The following DOCK1 variants were observed in gnomAD, a reference collection of about 807,000 sequenced individuals.
DOCK1 encodes the protein dedicator of cytokinesis 1, also known as dedicator of cytokinesis protein 1.
Under a neutral mutation model 262.7 loss-of-function variants are expected in DOCK1, and 138 were observed. The ratio of observed to expected loss-of-function variants is 0.53; its 90% CI spans 0.46 to 0.61. DOCK1 has a LOEUF of 0.61. Among genes scored for constraint, DOCK1 ranks in the 20% least tolerant of loss-of-function variants. The pLI is 0.00. For synonymous variants in DOCK1, 866 were observed against 867.4 expected, an observed-to-expected ratio of 1.00 and a Z score of 0.03; for missense variants, 1,908 against 2,370.7, an observed-to-expected ratio of 0.80 and a Z score of 4.05.
At chr10:127,026,625 G>A in intron 16 of DOCK1, 1 of 599,456 alleles carries the variant, frequency 1.7e-6, no homozygotes, top group Non-Finnish European at 2.9e-6. Flanking sequence ...TCCTTCTCCA[G>A]TTCCTCCTAC....
chr10:127,269,904 C>T lies in DOCK1; in HGVS notation c.3044+12475C>T, dbSNP rs1037548502. Among the ~76,000 whole-genome samples, 17 of 152,348 alleles carry T rather than the reference C, an allele frequency of 1.1e-4. No individual in the cohort carries two copies. The East Asian group carries it at 1.2e-3, about 10-fold the overall frequency. ...GGCATAACGAGAATAGAGAGCTTGA[C>T]GAGGAGGTCCTCAGTGAATGAATGC... On this transcript the variant is annotated intron_variant, in intron 29 of 51. Transcript: ENST00000623213.
chr10:127,433,386 C>G lies in DOCK1; in HGVS notation c.5018C>G (p.Ser1673Cys). ...CCTCTGTCTGTGGCCTCTGTCTCTT[C>G]CCTCTCATCGGACAGCACCCCTTCC... is the stretch of plus-strand genomic sequence containing the variant. ...SRPLSVASVS[S>C]LSSDSTPSRP... is the part of the protein sequence containing the mutation. The change falls in exon 48 of 52, where the codon TCC (serine) becomes TGC (cysteine). Residue 1673 changes from serine to cysteine, a missense_variant. Coordinates refer to ENST00000623213, the MANE Select transcript of DOCK1 (RefSeq NM_001290223.2). 3.1e-6 allele frequency: 5 copies of G among 1,613,996 alleles called. No homozygotes were observed. The highest frequency in any genetic ancestry group is 3.4e-6 in the Non-Finnish European group (4 of 1,179,898).
intron 31 of DOCK1, among the ~76,000 whole-genome samples, chr10:127,347,837 C>CCCTT (rs2063706599): frequency 3.2e-5 from 1 of 31,430 alleles, no homozygotes; most frequent in South Asian, 1.5e-3. Context: ...CCTCAGCCTT[C>CCCTT]CCTTCCCTTC....
intron 38 of DOCK1, among the ~76,000 whole-genome samples, chr10:127,395,754 G>A (rs938009232): frequency 1.6e-4 from 25 of 152,128 alleles, no homozygotes; most frequent in African/African-American, 5.5e-4. Flanking sequence ...GCAGATGGAA[G>A]TGATGTCATG....
At chr10:127,425,327 A>C (rs1385922097) in intron 46 of DOCK1, among the ~76,000 whole-genome samples, 2 of 152,020 alleles carry the variant, frequency 1.3e-5, no homozygotes, top group East Asian at 1.9e-4. Context: ...CTTCATCTCC[A>C]CTCTCGGAAG....
chr10:127,291,668 T>G (rs541953555), intron 29 of DOCK1, among the ~76,000 whole-genome samples: 1 of 152,306 alleles, frequency 6.6e-6, no homozygotes, highest in African/African-American at 2.4e-5. Flanking sequence ...TCCCCAGGCG[T>G]TTGCCTCCTT....
intron 1 of DOCK1, among the ~76,000 whole-genome samples, chr10:126,963,537 C>T (rs965481410): frequency 0.013 from 2,018 of 151,014 alleles, 41 homozygotes; most frequent in African/African-American, 0.047. Flanking sequence ...CTCTTCCCTC[C>T]CTTCACTTCC....
intron 23 of DOCK1, among the ~76,000 whole-genome samples, chr10:127,101,772 T>C (rs2048266317): frequency 6.6e-6 from 1 of 152,242 alleles, no homozygotes; most frequent in African/African-American, 2.4e-5. Context: ...ATGGTATTTA[T>C]GAACTTGCTA....
chr10:127,345,511 C>G (rs1291199780), intron 31 of DOCK1, among the ~76,000 whole-genome samples: 2 of 152,226 alleles, frequency 1.3e-5, no homozygotes, highest in African/African-American at 2.4e-5. Context: ...TCACCTTTCA[C>G]CTGGCCATCT....
At chr10:126,933,304 C>T (rs965736512) in intron 1 of DOCK1, among the ~76,000 whole-genome samples, 5 of 152,292 alleles carry the variant, frequency 3.3e-5, no homozygotes, top group Middle Eastern at 3.4e-3. Context: ...GGACACCTTT[C>T]GTTGGGTGAA....
At chr10:127,155,462 C>T (rs1373575877) in intron 27 of DOCK1, among the ~76,000 whole-genome samples, 1 of 152,188 alleles carries the variant, frequency 6.6e-6, no homozygotes, top group East Asian at 1.9e-4. Flanking sequence ...TCTCTATCGT[C>T]TTTCCATCAT....
rs546652710 is a variant in DOCK1, at chr10:127,193,793, C to T, written c.2848-54215C>T. Among the ~76,000 whole-genome samples, 9 of 151,892 alleles carry T rather than the reference C, an allele frequency of 5.9e-5. No homozygotes were observed. In the East Asian group the frequency reaches 1.2e-3, roughly 20 times the overall value. ...GGGAGAAACAAAACACAAAAATTCC[C>T]TTTCCTGCCACAGGGGAAAACAACT... is the stretch of plus-strand genomic sequence containing the variant. On this transcript the variant is annotated intron_variant, in intron 27 of 51. Coordinates refer to ENST00000623213, the MANE Select transcript of DOCK1 (RefSeq NM_001290223.2).
At chr10:127,357,745 A>C (rs1331845221) in intron 32 of DOCK1, among the ~76,000 whole-genome samples, 2 of 152,186 alleles carry the variant, frequency 1.3e-5, no homozygotes, top group Non-Finnish European at 2.9e-5. Context: ...ACAGTCAGCC[A>C]CCAGACTTGG....
chr10:127,302,529 C>T (rs1447848842), intron 29 of DOCK1, among the ~76,000 whole-genome samples: 2 of 152,186 alleles, frequency 1.3e-5, no homozygotes, highest in African/African-American at 4.8e-5. Context: ...TTCCCCCACA[C>T]AATCCGTCAT....
intron 23 of DOCK1, among the ~76,000 whole-genome samples, chr10:127,092,875 A>G (rs1289917772): frequency 6.6e-6 from 1 of 152,186 alleles, no homozygotes; most frequent in East Asian, 1.9e-4. Context: ...TCATGGGAGA[A>G]TCCTTGCTTT....
At chr10:126,999,625 C>T (rs192411251) in intron 9 of DOCK1, among the ~76,000 whole-genome samples, 190 bp downstream of exon 9, 76 of 152,266 alleles carry the variant, frequency 5.0e-4, no homozygotes, top group African/African-American at 1.7e-3. Context: ...TTAGAATCAC[C>T]GTGACAAAGA....
intron 29 of DOCK1, among the ~76,000 whole-genome samples, chr10:127,328,119 C>CAAAAAAAAAAA (rs11301683): frequency 5.5e-5 from 4 of 72,536 alleles, no homozygotes; most frequent in Non-Finnish European, 1.2e-4. Context: ...TACAAATGGG[C>CAAAAAAAAAAA]AAAAAAAAAA....
chr10:127,099,218 C>T (rs1399900183), intron 23 of DOCK1, among the ~76,000 whole-genome samples: 1 of 152,116 alleles, frequency 6.6e-6, no homozygotes, highest in Admixed American at 6.6e-5. Context: ...ATGAAGTTTG[C>T]AGTCAGTTTG....
intron 1 of DOCK1, among the ~76,000 whole-genome samples, chr10:126,958,550 G>A (rs1018820392): frequency 0.056 from 8,597 of 152,214 alleles, 278 homozygotes; most frequent in African/African-American, 0.068. Flanking sequence ...TTACAGGACC[G>A]GAGGCTGGGT....
Sources: allele counts gnomAD v4.1 joint callset (sites outside exome capture counted in the v4.1 genomes callset), GRCh38; gene constraint gnomAD v4.1.1; transcripts MANE v1.5; gene names NCBI Gene and HGNC (gene_info 2026-07-23, HGNC 2026-07-21).